DLG2: variants seen among roughly 807,000 people sequenced by gnomAD.
DLG2 encodes discs large MAGUK scaffold protein 2.
A neutral mutation model predicts 132.5 loss-of-function variants in DLG2; 45 were observed. That is an observed-to-expected ratio of 0.34 (90% CI 0.27 to 0.44). The LOEUF (loss-of-function observed/expected upper bound fraction) is 0.44, where lower values mean the gene tolerates loss of function less well. DLG2 is among the 20% of genes least tolerant of loss of function. The probability of loss-of-function intolerance (pLI) is 1.00; values close to 1 mark genes in which losing one functional copy is unlikely to be tolerated. For synonymous variants in DLG2, 424 were observed against 419.6 expected (o/e 1.01, Z -0.13); for missense variants, 1,045 against 1,196.9 (o/e 0.87, Z 1.87).
intron 3 of DLG2, among the ~76,000 whole-genome samples, chr11:85,402,662 C>G (rs369878988): frequency 1.3e-5 from 2 of 152,060 alleles, no homozygotes; most frequent in Non-Finnish European, 1.5e-5. Flanking sequence ...ACAAACAACC[C>G]TATCAAAAAG....
In DLG2 at chr11:85,436,463, GA is replaced by G. The variant is rs1479881024; in HGVS notation, c.41-151099del. Among the ~76,000 whole-genome samples, 3 of 150,196 alleles carry G rather than the reference GA, an allele frequency of 2.0e-5. No homozygotes were observed. In the Admixed American group the frequency reaches 2.0e-4, roughly 10 times the overall value. On this transcript the variant is annotated intron_variant, in intron 3 of 27. Transcript: ENST00000376104. ...ACAAGGAACTTAAACAAATTTACAA[GA>G]AAAAAACAAACAACTCCATTCAAAA...
chr11:85,338,094 A>G (rs1335514839), intron 3 of DLG2, among the ~76,000 whole-genome samples: 1 of 152,242 alleles, frequency 6.6e-6, no homozygotes, highest in Non-Finnish European at 1.5e-5. Flanking sequence ...TACCTAAAGG[A>G]AAGAAGAGCA....
At chr11:85,519,615 T>G (rs1024017574) in intron 3 of DLG2, among the ~76,000 whole-genome samples, 2 of 152,220 alleles carry the variant, frequency 1.3e-5, no homozygotes, top group East Asian at 1.9e-4. Flanking sequence ...CTTCCGTTAA[T>G]GCTGAAATGA....
At chr11:84,730,127 G>C (rs2062982438) in intron 6 of DLG2, among the ~76,000 whole-genome samples, 1 of 151,892 alleles carries the variant, frequency 6.6e-6, no homozygotes, top group Non-Finnish European at 1.5e-5. Flanking sequence ...ACTCTTCTTA[G>C]GCCTCATTGT....
chr11:84,969,499 T>C (rs2374580), intron 6 of DLG2, among the ~76,000 whole-genome samples: 2,989 of 152,314 alleles, frequency 0.02, 54 homozygotes, highest in Admixed American at 0.042. Context: ...AAAATCTCCA[T>C]CAATGATAAA....
intron 7 of DLG2, among the ~76,000 whole-genome samples, chr11:84,363,782 G>A (rs1331196653): frequency 6.6e-6 from 1 of 151,454 alleles, no homozygotes; most frequent in South Asian, 2.1e-4. Context: ...TTTCCCCATT[G>A]CTTGTTTTTC....
chr11:84,780,529 C>G (rs1416210163), intron 6 of DLG2, among the ~76,000 whole-genome samples: 1 of 152,052 alleles, frequency 6.6e-6, no homozygotes, highest in African/African-American at 2.4e-5. Flanking sequence ...TTATAAGAAA[C>G]TGCCAAACTG....
chr11:83,789,847 T>C (rs2041055075), intron 17 of DLG2: 1 of 417,624 alleles, frequency 2.4e-6, no homozygotes, highest in African/African-American at 2.1e-5. Context: ...CTGATGACTC[T>C]TTTATACATA....
intron 5 of DLG2, among the ~76,000 whole-genome samples, chr11:85,118,593 C>T (rs1200622961): frequency 1.3e-5 from 2 of 151,964 alleles, no homozygotes; most frequent in Non-Finnish European, 2.9e-5. Context: ...CGGGCTTTGA[C>T]TTAGGAAGCA....
chr11:85,077,236 G>T (rs959232527), intron 6 of DLG2, among the ~76,000 whole-genome samples: 1 of 151,998 alleles, frequency 6.6e-6, no homozygotes, highest in Non-Finnish European at 1.5e-5. Flanking sequence ...AGGTGTTGTG[G>T]TTAGGGTTAG....
intron 6 of DLG2, among the ~76,000 whole-genome samples, chr11:85,107,927 TAAAAA>T (rs5793156): frequency 3.8e-5 from 1 of 26,270 alleles, no homozygotes; most frequent in Admixed American, 7.3e-4. Context: ...GGACAAGTCT[TAAAAA>T]AAAAAAAAAA....
chr11:84,352,491 T>G (rs1308858331), intron 7 of DLG2, among the ~76,000 whole-genome samples: 6 of 152,184 alleles, frequency 3.9e-5, no homozygotes, highest in African/African-American at 1.2e-4. Context: ...TATATCAACT[T>G]GGCTAGGCTG....
chr11:83,797,683 T>A (rs1051835193), intron 17 of DLG2, among the ~76,000 whole-genome samples: 1 of 151,930 alleles, frequency 6.6e-6, no homozygotes, highest in Non-Finnish European at 1.5e-5. Flanking sequence ...CATGCCCAGC[T>A]AATTTTATGT....
intron 4 of DLG2, among the ~76,000 whole-genome samples, chr11:85,158,974 T>A (rs1415980297): frequency 1.3e-5 from 2 of 152,132 alleles, no homozygotes; most frequent in Non-Finnish European, 1.5e-5. Flanking sequence ...CCAGAACCCC[T>A]TGAATGAAGG....
At chr11:85,613,517 T>G (rs1387061848) in intron 2 of DLG2, among the ~76,000 whole-genome samples, 1 of 152,154 alleles carries the variant, frequency 6.6e-6, no homozygotes, top group East Asian at 1.9e-4. Context: ...TTGGAGAACT[T>G]TTCTGTATAG....
intron 2 of DLG2, among the ~76,000 whole-genome samples, chr11:85,624,686 T>C (rs1321298532): frequency 6.6e-6 from 1 of 152,226 alleles, no homozygotes; most frequent in African/African-American, 2.4e-5. Context: ...TGTATCATAA[T>C]ACTAGCAGTT....
chr11:83,672,688 A>C (rs1443179930), intron 18 of DLG2, among the ~76,000 whole-genome samples: 1 of 152,146 alleles, frequency 6.6e-6, no homozygotes, highest in Non-Finnish European at 1.5e-5. Context: ...TTTATCAACC[A>C]GTATTTTTGG....
chr11:85,192,946 T>A (rs1481704585), intron 4 of DLG2, among the ~76,000 whole-genome samples: 1 of 152,208 alleles, frequency 6.6e-6, no homozygotes, highest in Admixed American at 6.5e-5. Context: ...TAACTTTCTG[T>A]TCAAAATATG....
At chr11:84,642,956 A>G (rs1481229607) in intron 6 of DLG2, among the ~76,000 whole-genome samples, 1 of 152,238 alleles carries the variant, frequency 6.6e-6, no homozygotes, top group African/African-American at 2.4e-5. Flanking sequence ...AAATAATGCT[A>G]CAGTAATTTT....
Sources: allele counts gnomAD v4.1 joint callset (sites outside exome capture counted in the v4.1 genomes callset), GRCh38; gene constraint gnomAD v4.1.1; transcripts MANE v1.5; gene names NCBI Gene and HGNC (gene_info 2026-07-23, HGNC 2026-07-21).